Variants in EGLN3 observed in about 807,000 individuals in gnomAD.
EGLN3 encodes egl-9 family hypoxia inducible factor 3, also known as prolyl hydroxylase EGLN3.
Under a neutral mutation model 26.0 loss-of-function variants are expected in EGLN3, and 15 were observed. The ratio of observed to expected loss-of-function variants is 0.58; its 90% CI spans 0.39 to 0.89. The LOEUF (loss-of-function observed/expected upper bound fraction) is 0.89, where lower values mean the gene tolerates loss of function less well. Among genes scored for constraint, EGLN3 ranks in the 40% least tolerant of loss-of-function variants. The probability of loss-of-function intolerance (pLI) is 0.00; values close to 1 mark genes in which losing one functional copy is unlikely to be tolerated. For missense variants in EGLN3, 238 were observed against 311.6 expected (o/e 0.76, Z 1.78); for synonymous variants, 147 against 127.2 (o/e 1.16, Z -1.05).
rs1224706490 is a variant in EGLN3, at chr14:33,943,028, C to T, written c.357+7368G>A. Among the ~76,000 whole-genome samples the T allele has an allele frequency of 1.1e-4, 16 of 152,282 alleles. No homozygotes were observed. The East Asian group carries it at 1.4e-3, about 13-fold the overall frequency. On this transcript the variant is annotated intron_variant, in intron 1 of 4. Transcript: ENST00000250457. ...TTGTGTTAGGACCGGGGCAGGAAAACGTAGTCACTACAGACTCACCAAAAA... is the reference window on the plus strand; with the variant it reads ...TTGTGTTAGGACCGGGGCAGGAAAATGTAGTCACTACAGACTCACCAAAAA...
At chr14:33,931,333 G>A in intron 1 of EGLN3, 118 bp from the exon 2 acceptor site, 1 of 1,470,744 alleles carries the variant, frequency 6.8e-7, no homozygotes, top group Non-Finnish European at 9.2e-7. Flanking sequence ...TTTACAGGTA[G>A]TTGCTGGCTT....
chr14:33,934,738 T>C (rs996019255), intron 1 of EGLN3, among the ~76,000 whole-genome samples: 6 of 152,236 alleles, frequency 3.9e-5, no homozygotes, highest in Non-Finnish European at 1.5e-5. Context: ...TGTATTTTCA[T>C]AGAAATGTAT....
intron 1 of EGLN3, among the ~76,000 whole-genome samples, chr14:33,938,660 C>T (rs1240211721): frequency 1.3e-5 from 2 of 152,352 alleles, no homozygotes; most frequent in African/African-American, 2.4e-5. Context: ...AAGGTCAGTC[C>T]AGCCCAGGGA....
intron 1 of EGLN3, chr14:33,949,363 A>G (rs1023913919): frequency 1.3e-5 from 2 of 152,196 alleles, no homozygotes; most frequent in Admixed American, 6.5e-5. Context: ...TTATTGTCAA[A>G]GAGTGGTACA....
rs1203330377 is a variant in EGLN3 at position 33,925,031 on chromosome 14, T to C, written c.*860A>G. 4.6e-5 allele frequency: 7 copies of C among 151,822 alleles called. No individual in the cohort carries two copies. 9.4% of individuals were successfully genotyped at this position (151,822 alleles called of 1,614,324 possible). A position where few individuals can be genotyped will look rare whatever the true frequency, so the allele number is the denominator to read the frequency against. On this transcript the variant is annotated 3_prime_UTR_variant, in exon 5 of 5. Transcript: ENST00000250457. Reference sequence around the variant, plus strand: ...GTTCAAGATGCACACATGTTTATTGTATATCAGTAGACCTAGCTCTTTCCA... The same window carrying C: ...GTTCAAGATGCACACATGTTTATTGCATATCAGTAGACCTAGCTCTTTCCA...
rs1434486008 is a variant in EGLN3 at position 33,950,267 on chromosome 14, C to A, written c.357+129G>T. The A allele has an allele frequency of 6.6e-6, 6 of 907,926 alleles. No individual in the cohort carries two copies. The South Asian group carries it at 7.0e-5, about 11-fold the overall frequency. The allele number at this position is 907,926 out of a possible 1,614,324, so 56.2% of individuals were successfully genotyped here. On this transcript the variant is annotated intron_variant, in intron 1 of 4. Transcript: ENST00000250457. ...GGTGGGGGGAAGCAGCGAGTAGAGA[C>A]AAACCAGGCTGACTTCTTGGTTAAA...
intron 1 of EGLN3, among the ~76,000 whole-genome samples, chr14:33,935,582 TAAA>T: frequency 9.2e-6 from 1 of 108,876 alleles, no homozygotes; most frequent in South Asian, 3.1e-4. Flanking sequence ...GGGCTATAAA[TAAA>T]TACACACACA....
Position 33,950,385 on chromosome 14 carries a change from G to C in EGLN3, c.357+11C>G, listed in dbSNP as rs779588594. ...GGGAGCAGCTGCGGCAGGGCGCCGA[G>C]CGCGTCCTACCTTAGACCTCTCCTT... On this transcript the variant is annotated intron_variant, in intron 1 of 4. Transcript: ENST00000250457. 6 of 1,611,440 alleles carry C rather than the reference G, an allele frequency of 3.7e-6. No homozygotes were observed. In the South Asian group the frequency reaches 6.6e-5, roughly 18 times the overall value.
At position 33,950,519 on chromosome 14, in the gene EGLN3, G is replaced by A; in HGVS notation, c.234C>T (p.Ile78=). 5.0e-6 allele frequency: 8 copies of A among 1,613,656 alleles called. No individual in the cohort carries two copies. Among genetic ancestry groups the A allele is most frequent in the Non-Finnish European group, 6.8e-6 (8 of 1,180,028 alleles). ...CCTCCTCGTTGCCCCCGATCCACGT[G>A]ATCTGGTCGCCCCGCAGGTGTCGCT... is the stretch of plus-strand genomic sequence containing the variant. ...VSKRHLRGDQ[I]TWIGGNEEGC... Residue 78 remains isoleucine, a synonymous_variant, in exon 1 of 5, where the codon ATC becomes ATT. Transcript: ENST00000250457.
intron 2 of EGLN3, among the ~76,000 whole-genome samples, chr14:33,929,563 G>C (rs1299907238): frequency 1.3e-5 from 2 of 152,150 alleles, no homozygotes; most frequent in Non-Finnish European, 2.9e-5. Flanking sequence ...TGTTGGTCAG[G>C]CTGGTCTCGA....
chr14:33,941,537 C>A (rs538942618), intron 1 of EGLN3, among the ~76,000 whole-genome samples: 1 of 149,322 alleles, frequency 6.7e-6, no homozygotes, highest in African/African-American at 2.5e-5. Context: ...CATCTTCCCC[C>A]GTCATTCCCC....
intron 1 of EGLN3, among the ~76,000 whole-genome samples, chr14:33,933,987 A>C (rs1352536667): frequency 6.6e-6 from 1 of 152,254 alleles, no homozygotes; most frequent in Non-Finnish European, 1.5e-5. Context: ...ACTTTAGTAC[A>C]GGCTTTTTAT....
chr14:33,924,655 T>C lies in EGLN3; in HGVS notation c.*1236A>G, dbSNP rs1275305100. The C allele has an allele frequency of 6.6e-6, 1 of 152,048 alleles. No individual in the cohort carries two copies. The highest frequency in any genetic ancestry group is 1.5e-5 in the Non-Finnish European group (1 of 68,016). The allele number at this position is 152,048 out of a possible 1,614,324, so 9.4% of individuals were successfully genotyped here. On this transcript the variant is annotated 3_prime_UTR_variant, in exon 5 of 5. Transcript: ENST00000250457. ...AAAACATGAAAGTAATACTGAAAAC[T>C]AGGAAAAGTAGCTTTTGCAAAATAC... is the stretch of plus-strand genomic sequence containing the variant.
chr14:33,943,497 T>C (rs529573558), intron 1 of EGLN3, among the ~76,000 whole-genome samples: 1 of 152,374 alleles, frequency 6.6e-6, no homozygotes, highest in South Asian at 2.1e-4. Flanking sequence ...GTGGAGTCTG[T>C]TGCCGTAATA....
At chr14:33,929,501 C>T (rs765208307) in intron 2 of EGLN3, among the ~76,000 whole-genome samples, 3 of 152,164 alleles carry the variant, frequency 2.0e-5, no homozygotes, top group Non-Finnish European at 4.4e-5. Context: ...TAGAGGCATG[C>T]ACCACCATGC....
At chr14:33,929,047 G>T (rs72666232) in intron 3 of EGLN3, 29 bp downstream of exon 3, 4 of 1,610,628 alleles carry the variant, frequency 2.5e-6, no homozygotes, top group South Asian at 1.1e-5. Flanking sequence ...ACCAAGCTCC[G>T]GAAGAGGAAT....
At chr14:33,935,274 C>T (rs1240230770) in intron 1 of EGLN3, among the ~76,000 whole-genome samples, 1 of 152,154 alleles carries the variant, frequency 6.6e-6, no homozygotes, top group African/African-American at 2.4e-5. Context: ...TGTTTGTCTT[C>T]CCCTCAACTG....
chr14:33,942,284 G>A (rs924425593), intron 1 of EGLN3, among the ~76,000 whole-genome samples: 1 of 144,442 alleles, frequency 6.9e-6, no homozygotes, highest in African/African-American at 2.6e-5. Context: ...AGAAAGGAAA[G>A]AAAGTTTAGT....
intron 2 of EGLN3, among the ~76,000 whole-genome samples, chr14:33,930,594 G>C (rs2064395574): frequency 6.6e-6 from 1 of 152,142 alleles, no homozygotes; most frequent in Admixed American, 6.5e-5. Flanking sequence ...CAAAGCCTTT[G>C]GCATTCACAA....
Sources: allele counts gnomAD v4.1 joint callset (sites outside exome capture counted in the v4.1 genomes callset), GRCh38; gene constraint gnomAD v4.1.1; transcripts MANE v1.5; gene names NCBI Gene and HGNC (gene_info 2026-07-23, HGNC 2026-07-21).